The following NRG1 variants were observed in gnomAD, a reference collection of about 807,000 sequenced individuals.
NRG1 encodes the protein neuregulin 1.
NRG1 carries 18 observed loss-of-function variants against 63.8 expected under a neutral mutation model. That is an observed-to-expected ratio of 0.28 (90% CI 0.19 to 0.42). The LOEUF is 0.42. NRG1 is among the 10% of genes least tolerant of loss of function. The pLI is 1.00. For missense variants in NRG1, 762 were observed against 814.7 expected (o/e 0.94, Z 0.79); for synonymous variants, 302 against 301.3 (o/e 1.00, Z -0.02).
chr8:32,407,558 A>G (rs1814261563), intron 1 of NRG1, among the ~76,000 whole-genome samples: 1 of 152,010 alleles, frequency 6.6e-6, no homozygotes, highest in South Asian at 2.1e-4. Context: ...GAGCGTGGAG[A>G]GAAAGAAGTA....
intron 1 of NRG1, among the ~76,000 whole-genome samples, chr8:32,187,968 C>T (rs575471881): frequency 2.0e-5 from 3 of 152,288 alleles, no homozygotes; most frequent in Admixed American, 6.5e-5. Flanking sequence ...ACATAAAATA[C>T]ATCTCTGAAG....
intron 1 of NRG1, among the ~76,000 whole-genome samples, chr8:32,129,243 C>T (rs10102965): frequency 0.074 from 11,246 of 151,976 alleles, 1,438 homozygotes; most frequent in African/African-American, 0.26. Flanking sequence ...CTATAACTAA[C>T]GCTAGCGTGG....
At chr8:32,320,112 TTACA>T (rs1376618331) in intron 1 of NRG1, among the ~76,000 whole-genome samples, 1 of 152,122 alleles carries the variant, frequency 6.6e-6, no homozygotes, top group Non-Finnish European at 1.5e-5. Context: ...TTTTCCTCAT[TTACA>T]AAATAGAAAC....
At chr8:32,729,232 T>C (rs1375752943) in intron 6 of NRG1, among the ~76,000 whole-genome samples, 1 of 152,216 alleles carries the variant, frequency 6.6e-6, no homozygotes, top group African/African-American at 2.4e-5. Context: ...ATTTTAAGTT[T>C]ACTGTTGATA....
intron 1 of NRG1, among the ~76,000 whole-genome samples, chr8:32,261,895 G>T (rs1850419124): frequency 6.6e-6 from 1 of 152,076 alleles, no homozygotes; most frequent in South Asian, 2.1e-4. Flanking sequence ...AGACTATCTT[G>T]CATTGGGATT....
At chr8:31,893,297 T>C (rs1831297271) in intron 1 of NRG1, among the ~76,000 whole-genome samples, 2 of 151,318 alleles carry the variant, frequency 1.3e-5, no homozygotes, top group Admixed American at 1.3e-4. Context: ...CCAAAATAAA[T>C]TTCATATAGA....
intron 1 of NRG1, among the ~76,000 whole-genome samples, chr8:31,967,209 G>A (rs569729756): frequency 6.6e-6 from 1 of 152,226 alleles, no homozygotes; most frequent in African/African-American, 2.4e-5. Context: ...AATAGCTCCA[G>A]GACCTCAGTT....
chr8:32,335,882 G>A (rs745309599), intron 1 of NRG1, among the ~76,000 whole-genome samples: 117 of 152,084 alleles, frequency 7.7e-4, no homozygotes, highest in Admixed American at 2.6e-3. Context: ...TCTGAGCATC[G>A]GATCTAGAAA....
chr8:32,636,905 G>A (rs1358811266), intron 5 of NRG1, among the ~76,000 whole-genome samples: 1 of 151,938 alleles, frequency 6.6e-6, no homozygotes, highest in Non-Finnish European at 1.5e-5. Flanking sequence ...GATGGGTGGA[G>A]GCTGGGGGAT....
chr8:31,923,621 A>C (rs1482002203), intron 1 of NRG1, among the ~76,000 whole-genome samples: 1 of 152,030 alleles, frequency 6.6e-6, no homozygotes, highest in Admixed American at 6.5e-5. Flanking sequence ...TACTGGTTTT[A>C]TTTATTTAAA....
intron 1 of NRG1, among the ~76,000 whole-genome samples, chr8:31,735,028 G>A (rs982994786): frequency 9.2e-5 from 14 of 152,190 alleles, no homozygotes; most frequent in African/African-American, 2.9e-4. Context: ...AAAGCTTCTT[G>A]AGCAACTTGG....
At chr8:32,354,109 C>G (rs1361103496) in intron 1 of NRG1, among the ~76,000 whole-genome samples, 2 of 152,162 alleles carry the variant, frequency 1.3e-5, no homozygotes, top group Non-Finnish European at 2.9e-5. Flanking sequence ...TGGCTCATGC[C>G]TGTAATCCCA....
intron 1 of NRG1, among the ~76,000 whole-genome samples, chr8:31,991,115 A>G (rs1810987507): frequency 6.6e-6 from 1 of 152,104 alleles, no homozygotes; most frequent in African/African-American, 2.4e-5. Flanking sequence ...ATATTGTAGT[A>G]GTTTTAATAG....
At chr8:31,875,430 G>A (rs1001620652) in intron 1 of NRG1, among the ~76,000 whole-genome samples, 2 of 152,084 alleles carry the variant, frequency 1.3e-5, no homozygotes, top group East Asian at 1.9e-4. Context: ...TTTAGATCAC[G>A]AACAGCACTG....
At chr8:32,162,603 A>AC (rs879649002) in intron 1 of NRG1, among the ~76,000 whole-genome samples, 142 of 152,250 alleles carry the variant, frequency 9.3e-4, no homozygotes, top group African/African-American at 3.2e-3. Flanking sequence ...CAGACCCCTT[A>AC]CCCCCATCCA....
At chr8:32,152,539 C>T (rs1192304132) in intron 1 of NRG1, among the ~76,000 whole-genome samples, 1 of 152,144 alleles carries the variant, frequency 6.6e-6, no homozygotes, top group African/African-American at 2.4e-5. Context: ...CTATGACATA[C>T]TTTTAAATAG....
At chr8:32,389,607 C>G (rs1190567898) in intron 1 of NRG1, among the ~76,000 whole-genome samples, 1 of 152,114 alleles carries the variant, frequency 6.6e-6, no homozygotes, top group Non-Finnish European at 1.5e-5. Context: ...TCTGGCCATC[C>G]TCACTGACCA....
At chr8:31,881,253 G>A (rs955693477) in intron 1 of NRG1, among the ~76,000 whole-genome samples, 1 of 152,060 alleles carries the variant, frequency 6.6e-6, no homozygotes, top group Non-Finnish European at 1.5e-5. Context: ...GTCACATTTT[G>A]GTAATTCTGA....
chr8:32,455,275 C>A (rs919983015), intron 1 of NRG1, among the ~76,000 whole-genome samples: 1 of 152,114 alleles, frequency 6.6e-6, no homozygotes, highest in South Asian at 2.1e-4. Flanking sequence ...AAATGAGGTA[C>A]CATACGTGAT....
Sources: gnomAD v4.1 joint callset for allele counts (sites outside exome capture counted in the v4.1 genomes callset) on GRCh38, gnomAD v4.1.1 for gene constraint, MANE v1.5 for transcripts, NCBI Gene and HGNC (gene_info 2026-07-23, HGNC 2026-07-21) for gene names.